NAV3: variants seen among roughly 807,000 people sequenced by gnomAD.
NAV3 encodes neuron navigator 3, also known as pore membrane and/or filament interacting like protein 1.
In NAV3, 87 loss-of-function variants were observed where a neutral mutation model predicts 244.7. The observed-to-expected ratio is 0.36, with a 90% CI of 0.30 to 0.42. NAV3 has a LOEUF of 0.42. Among genes scored for constraint, NAV3 ranks in the 20% least tolerant of loss-of-function variants. NAV3 has a pLI of 1.00. For synonymous variants in NAV3, 1,126 were observed against 1,042.2 expected (o/e 1.08, Z -1.55); for missense variants, 2,663 against 2,893.3 (o/e 0.92, Z 1.83).
intron 1 of NAV3, among the ~76,000 whole-genome samples, chr12:77,909,347 G>T (rs145495780): frequency 1.8e-4 from 27 of 151,950 alleles, no homozygotes; most frequent in African/African-American, 6.3e-4. Flanking sequence ...GTCCATCCGG[G>T]TAACAACTGT....
intron 1 of NAV3, among the ~76,000 whole-genome samples, chr12:77,843,249 T>C (rs754480837): frequency 1.8e-4 from 27 of 152,164 alleles, no homozygotes; most frequent in Non-Finnish European, 3.2e-4. Context: ...TCCAACAATA[T>C]GTTCTCTCAG....
At chr12:77,677,322 ATAACT>A (rs563205773) in intron 2 of NAV3, among the ~76,000 whole-genome samples, 35 of 152,384 alleles carry the variant, frequency 2.3e-4, no homozygotes, top group Non-Finnish European at 1.3e-4. Flanking sequence ...TTTTAAAAAG[ATAACT>A]TAAATAGATG....
chr12:78,048,429 G>A (rs1882204609), intron 9 of NAV3, among the ~76,000 whole-genome samples: 1 of 152,138 alleles, frequency 6.6e-6, no homozygotes, highest in Non-Finnish European at 1.5e-5. Flanking sequence ...GGACATTGAT[G>A]CTATTCCTTT....
intron 9 of NAV3, among the ~76,000 whole-genome samples, chr12:78,030,258 A>G (rs1488366831): frequency 6.6e-6 from 1 of 152,206 alleles, no homozygotes; most frequent in Non-Finnish European, 1.5e-5. Context: ...TGTTTTCTAT[A>G]TTAATGATGC....
intron 39 of NAV3, among the ~76,000 whole-genome samples, chr12:78,207,056 C>T (rs1594053879): frequency 6.6e-6 from 1 of 151,848 alleles, no homozygotes; most frequent in African/African-American, 2.4e-5. Flanking sequence ...CGGGGTTTCT[C>T]TATGTTGATC....
intron 2 of NAV3, among the ~76,000 whole-genome samples, chr12:77,725,934 AT>A (rs1434575617): frequency 2.6e-5 from 4 of 151,780 alleles, no homozygotes; most frequent in Admixed American, 6.6e-5. Context: ...GGCTGACTGA[AT>A]TTTTTTCATG....
chr12:78,015,482 C>T (rs958260491), intron 8 of NAV3, among the ~76,000 whole-genome samples: 3 of 131,186 alleles, frequency 2.3e-5, no homozygotes, highest in South Asian at 2.3e-4. Flanking sequence ...TTATTAGATA[C>T]ATATTAAATG....
intron 12 of NAV3, among the ~76,000 whole-genome samples, chr12:78,112,548 AG>A (rs1274752892): frequency 6.6e-6 from 1 of 152,148 alleles, no homozygotes; most frequent in Non-Finnish European, 1.5e-5. Flanking sequence ...AATGAGTAAA[AG>A]GGGGAAAAAC....
At chr12:78,116,946 T>C (rs1426115622) in intron 13 of NAV3, 42 bp downstream of exon 13, 2 of 1,594,090 alleles carry the variant, frequency 1.3e-6, no homozygotes, top group Non-Finnish European at 1.7e-6. Flanking sequence ...TTCTGCCAGC[T>C]TTTTCCCCAA....
chr12:78,087,476 T>C (rs1437344805), intron 12 of NAV3, among the ~76,000 whole-genome samples: 1 of 151,974 alleles, frequency 6.6e-6, no homozygotes. Context: ...CCCTGGAAAT[T>C]GCAATCTACA....
chr12:78,050,037 G>A lies in NAV3; in HGVS notation c.2068G>A (p.Ala690Thr), dbSNP rs2137226573. The change falls in exon 10 of 40, where the codon GCA becomes ACA. Residue 690 changes from alanine (A) to threonine (T), a missense_variant. Physicochemically the swap from Ala to Thr is moderately conservative, Grantham distance 58. Coordinates refer to ENST00000397909, the MANE Select transcript of NAV3 (RefSeq NM_001024383.2). ...AAGAATGAGAACAGTTAAAAACATA[G>A]CAGACTTGAGGCAGAATTTAGAAGA... ...TRRMRTVKNI[A>T]DLRQNLEETM... is the part of the protein sequence containing the mutation. 1.2e-6 allele frequency: 2 copies of A among 1,613,240 alleles called. No homozygotes were observed. Among genetic ancestry groups the A allele is most frequent in the Non-Finnish European group, 1.7e-6 (2 of 1,179,702 alleles).
At position 78,009,866 on chromosome 12, in the gene NAV3, A is replaced by G. The variant is rs1233415348; in HGVS notation, c.1907+2421A>G. Among the ~76,000 whole-genome samples the G allele has an allele frequency of 2.0e-5, 3 of 152,340 alleles. No homozygotes were observed. In the East Asian group the frequency reaches 5.8e-4, roughly 29 times the overall value. ...CACACAGCCAGATTTTGAGCAAATT[A>G]CATGAATATCAGTAATTATTTTTAT... On this transcript the variant is annotated intron_variant, in intron 8 of 39. Transcript: ENST00000397909.
chr12:77,788,981 T>C (rs1380815378), intron 2 of NAV3, among the ~76,000 whole-genome samples: 1 of 152,134 alleles, frequency 6.6e-6, no homozygotes, highest in Non-Finnish European at 1.5e-5. Flanking sequence ...TTTCCTCTTA[T>C]CTCCTACCCT....
At chr12:77,777,485 C>G (rs1870424335) in intron 2 of NAV3, among the ~76,000 whole-genome samples, 1 of 152,138 alleles carries the variant, frequency 6.6e-6, no homozygotes, top group African/African-American at 2.4e-5. Context: ...AAAAGGATGA[C>G]TAACATCCTG....
intron 1 of NAV3, among the ~76,000 whole-genome samples, chr12:77,885,025 T>C (rs1168832044): frequency 6.6e-6 from 1 of 152,144 alleles, no homozygotes; most frequent in Non-Finnish European, 1.5e-5. Flanking sequence ...ATCTTTATTG[T>C]TGGAAGAGTC....
chr12:78,170,611 A>G (rs1957961318), intron 24 of NAV3, among the ~76,000 whole-genome samples: 3 of 151,764 alleles, frequency 2.0e-5, no homozygotes, highest in African/African-American at 7.2e-5. Flanking sequence ...TCATTTATTC[A>G]ACAAATATTT....
intron 11 of NAV3, among the ~76,000 whole-genome samples, chr12:78,055,585 A>C (rs1486426071): frequency 2.0e-5 from 3 of 152,222 alleles, no homozygotes; most frequent in Non-Finnish European, 2.9e-5. Context: ...CCATGTAGTC[A>C]TTCAGAGAAT....
intron 19 of NAV3, among the ~76,000 whole-genome samples, chr12:78,138,745 A>AT (rs1956480540): frequency 6.6e-6 from 1 of 152,144 alleles, no homozygotes; most frequent in Non-Finnish European, 1.5e-5. Context: ...AAATAAAGTG[A>AT]TTTTTATATA....
rs750175428 is a variant in NAV3 at position 78,119,542 on chromosome 12, G to A, written c.3346G>A (p.Gly1116Ser). Residue 1116 changes from glycine to serine, a missense_variant, in exon 15 of 40, where the codon GGT (glycine) becomes AGT (serine). By Grantham distance (56) the Gly-to-Ser change is moderately conservative. Transcript: ENST00000397909. ...SNAGRKTSLD[G>S]SQNQDDVVLH... ...TGCAGGGAGAAAAACCAGTTTGGACGGTTCACAGAATCAGGATGATGTTGT... is the reference window on the plus strand; with the variant it reads ...TGCAGGGAGAAAAACCAGTTTGGACAGTTCACAGAATCAGGATGATGTTGT... 8 of 1,614,126 alleles carry A rather than the reference G, an allele frequency of 5.0e-6. No homozygotes were observed. Among genetic ancestry groups the A allele is most frequent in the African/African-American group, 1.3e-5 (1 of 75,018 alleles).
Sources: allele counts gnomAD v4.1 joint callset (sites outside exome capture counted in the v4.1 genomes callset), GRCh38; gene constraint gnomAD v4.1.1; transcripts MANE v1.5; gene names NCBI Gene and HGNC (gene_info 2026-07-23, HGNC 2026-07-21).